Variants in TRIM61 observed in about 807,000 individuals in gnomAD.
TRIM61 encodes tripartite motif containing 61, also known as putative tripartite motif-containing protein 61.
Under a neutral mutation model 14.2 loss-of-function variants are expected in TRIM61, and 1 was observed. That is an observed-to-expected ratio of 0.07 (90% confidence interval 0.03 to 0.33). The LOEUF (loss-of-function observed/expected upper bound fraction) is 0.33, where lower values mean the gene tolerates loss of function less well. Ranked by LOEUF, TRIM61 falls within the 10% of genes least tolerant of loss-of-function variation. The pLI, the probability that TRIM61 is intolerant of heterozygous loss-of-function variation, is 0.99. For missense variants in TRIM61, 19 were observed against 202.2 expected, an observed-to-expected ratio of 0.09 and a Z score of 5.49; for synonymous variants, 8 against 71.6, an observed-to-expected ratio of 0.11 and a Z score of 4.49.
Position 164,967,563 on chromosome 4 carries a change from T to C in TRIM61, c.525+1915A>G, listed in dbSNP as rs1732269917. 2.0e-5 allele frequency among the ~76,000 whole-genome samples: 3 copies of C among 152,210 alleles called. No homozygotes were observed. The South Asian group carries it at 6.2e-4, about 32-fold the overall frequency. ...AACAGAACAGGTTATCTACCGGTTG[T>C]GTATGTACAGTATGTGTGTGTGTGG... On this transcript the variant is annotated intron_variant, in intron 3 of 4. Transcript: ENST00000329314.
chr4:164,973,133 A>G (rs187907870), intron 2 of TRIM61, among the ~76,000 whole-genome samples: 3 of 152,064 alleles, frequency 2.0e-5, no homozygotes, highest in African/African-American at 7.3e-5. Context: ...TCTCAAGGAT[A>G]ATTTATTATA....
At chr4:164,969,201 A>G in intron 3 of TRIM61, 1 of 1,268,816 alleles carries the variant, frequency 7.9e-7, no homozygotes, top group Non-Finnish European at 9.9e-7. Flanking sequence ...TTGAATAAAA[A>G]CAGCTCAGGG....
chr4:164,971,540 G>A (rs1489005601), intron 2 of TRIM61, among the ~76,000 whole-genome samples: 3 of 150,812 alleles, frequency 2.0e-5, no homozygotes, highest in Non-Finnish European at 4.4e-5. Context: ...GTGGTGAGTG[G>A]AGATCGTACC....
intron 3 of TRIM61, among the ~76,000 whole-genome samples, chr4:164,963,960 G>T (rs1448672945): frequency 6.6e-6 from 1 of 151,920 alleles, no homozygotes; most frequent in Non-Finnish European, 1.5e-5. Flanking sequence ...GTGTAACATA[G>T]CTAAAGCAGT....
At chr4:164,964,397 T>A (rs1732197017) in intron 3 of TRIM61, among the ~76,000 whole-genome samples, 2 of 149,512 alleles carry the variant, frequency 1.3e-5, no homozygotes, top group African/African-American at 2.4e-5. Flanking sequence ...GATGGAGAGC[T>A]TTTAAATGTA....
intron 3 of TRIM61, chr4:164,957,033 G>C (rs554834443): frequency 6.6e-7 from 1 of 1,510,240 alleles, no homozygotes; most frequent in East Asian, 2.5e-5. Context: ...ATGGAAGGAT[G>C]CGCGGTGCGG....
chr4:164,968,318 A>G (rs1732285064), intron 3 of TRIM61: 32 of 962,426 alleles, frequency 3.3e-5, no homozygotes, highest in Non-Finnish European at 4.0e-5. Flanking sequence ...TGGCAATTAC[A>G]AAAGTAATAG....
chr4:164,963,879 CAA>C (rs1732185882), intron 3 of TRIM61, among the ~76,000 whole-genome samples: 1 of 151,774 alleles, frequency 6.6e-6, no homozygotes, highest in African/African-American at 2.4e-5. Flanking sequence ...CCTCTTGGGT[CAA>C]AGAGTGAGTC....
At chr4:164,968,136 A>G (rs1732280277) in intron 3 of TRIM61, 145 bp downstream of exon 3, 1 of 984,324 alleles carries the variant, frequency 1.0e-6, no homozygotes, top group South Asian at 4.7e-5. Context: ...CTGGGCAACG[A>G]AAAAAGGGGA....
chr4:164,972,779 G>T (rs1025112660), intron 2 of TRIM61, among the ~76,000 whole-genome samples: 1 of 152,122 alleles, frequency 6.6e-6, no homozygotes, highest in Non-Finnish European at 1.5e-5. Flanking sequence ...ATTAGCCACC[G>T]CACCTGACAT....
chr4:164,968,642 T>C (rs1277337676), intron 3 of TRIM61: 2 of 985,470 alleles, frequency 2.0e-6, no homozygotes, highest in Non-Finnish European at 2.4e-6. Context: ...AGTTCCAGTA[T>C]AAAAATAAGG....
chr4:164,972,361 A>C (rs1381115943), intron 2 of TRIM61, among the ~76,000 whole-genome samples: 6 of 152,126 alleles, frequency 3.9e-5, no homozygotes, highest in African/African-American at 9.7e-5. Context: ...TGTTAGATGT[A>C]TTAGAATCTG....
chr4:164,964,925 A>C (rs755835245), intron 3 of TRIM61, among the ~76,000 whole-genome samples: 7 of 152,206 alleles, frequency 4.6e-5, no homozygotes, highest in African/African-American at 9.7e-5. Flanking sequence ...TATTTCACCA[A>C]CGTCATCCTA....
Position 164,955,099 on chromosome 4 carries a change from C to CAA in TRIM61, c.526-5_526-4dup, listed in dbSNP as rs200797852. The CAA allele has an allele frequency of 4.3e-3, 373 of 85,974 alleles. 7 individuals carry two copies. The highest frequency in any genetic ancestry group is 0.031 in the Middle Eastern group (5 of 160). The allele number at this position is 85,974 out of a possible 1,614,324, so 5.3% of individuals were successfully genotyped here. ...CTGGTGACAGAAGGAGACTCCATCT[C>CAA]AAAAAAAAAAAAAAAAAAAATTATT... On this transcript the variant is annotated splice_polypyrimidine_tract_variant and splice_region_variant and intron_variant, in intron 3 of 4. Coordinates refer to ENST00000329314, the MANE Select transcript of TRIM61 (RefSeq NM_001012414.3).
In TRIM61 at chr4:164,969,587, TAGG is replaced by T. The variant is rs1560886605; in HGVS notation, c.413_415del (p.Ser138del). On this transcript the variant is annotated inframe_deletion, in exon 3 of 5. Transcript: ENST00000329314. ...GTATTCCTCCAGTTTTTTCCTATGA[TAGG>T]AGGCAGCCTTCTTTATGGGCCAAAC... 2.0e-6 allele frequency: 3 copies of T among 1,494,422 alleles called. No homozygotes were observed. In the Admixed American group the frequency reaches 5.4e-5, roughly 27 times the overall value. The allele number at this position is 1,494,422 out of a possible 1,614,324, so 92.6% of individuals were successfully genotyped here.
intron 2 of TRIM61, among the ~76,000 whole-genome samples, chr4:164,974,075 C>T (rs1732428634): frequency 1.3e-5 from 2 of 152,176 alleles, no homozygotes; most frequent in Non-Finnish European, 2.9e-5. Context: ...AAGGCTGCAG[C>T]GGGAGAATTG....
chr4:164,956,194 T>C (rs1475863935), intron 3 of TRIM61, among the ~76,000 whole-genome samples: 1 of 151,946 alleles, frequency 6.6e-6, no homozygotes, highest in Non-Finnish European at 1.5e-5. Flanking sequence ...GCCTCCGGAG[T>C]AGCTGGGACC....
intron 3 of TRIM61, chr4:164,958,151 G>A (rs1438474982): frequency 1.8e-5 from 3 of 167,082 alleles, no homozygotes; most frequent in Admixed American, 6.5e-5. Context: ...ATATAATAGA[G>A]TTGTTTGTTA....
chr4:164,969,061 T>C, intron 3 of TRIM61: 4 of 1,066,246 alleles, frequency 3.8e-6, no homozygotes, highest in Non-Finnish European at 3.4e-6. Context: ...GCACAGTTTT[T>C]CTATCTTCTG....
Sources: allele counts gnomAD v4.1 joint callset (sites outside exome capture counted in the v4.1 genomes callset), GRCh38; gene constraint gnomAD v4.1.1; transcripts MANE v1.5; gene names NCBI Gene and HGNC (gene_info 2026-07-23, HGNC 2026-07-21).